The following PHEX variants were observed in gnomAD, a reference collection of about 807,000 sequenced individuals.
The protein encoded by PHEX is phosphate regulating endopeptidase X-linked.
PHEX carries 16 observed loss-of-function variants against 68.0 expected under a neutral mutation model. The ratio of observed to expected loss-of-function variants is 0.24; its 90% confidence interval spans 0.16 to 0.36. PHEX has a LOEUF of 0.36. PHEX is among the 10% of genes least tolerant of loss of function. The pLI is 1.00. For synonymous variants in PHEX, 208 were observed against 205.1 expected (o/e 1.01, Z -0.12); for missense variants, 480 against 575.5 (o/e 0.83, Z 1.70).
At chrX:22,206,450 C>T (rs1469717526) in intron 15 of PHEX, among the ~76,000 whole-genome samples, 2 of 111,601 alleles carry the variant, frequency 1.8e-5, no homozygotes, top group Non-Finnish European at 3.8e-5. Context: ...AAATAAAAAT[C>T]CCTTTTGTCA....
Position 22,076,404 on chromosome X carries a change from A to G in PHEX, c.366A>G (p.Ser122=), listed in dbSNP as rs1313536110. The G allele has an allele frequency of 7.5e-6, 9 of 1,206,688 alleles. No individual in the cohort carries two copies. Among genetic ancestry groups the G allele is most frequent in the Non-Finnish European group, 1.0e-5 (9 of 891,868 alleles). Residue 122 remains serine, a synonymous_variant, in exon 4 of 22, where the codon TCA becomes TCG. Transcript: ENST00000379374. The part of the protein sequence containing the change: ...DLKLKELLEK[S]ISRRRDTEAI... ...CCTTCCCAGAACTTTTGGAGAAATC[A>G]ATCAGTAGAAGGCGGGACACCGAAG...
intron 10 of PHEX, among the ~76,000 whole-genome samples, chrX:22,113,211 T>A (rs1315789085): frequency 8.9e-6 from 1 of 112,006 alleles, no homozygotes; most frequent in Non-Finnish European, 1.9e-5. Context: ...GTGCTAAATA[T>A]AATATTGAAT....
chrX:22,160,769 A>G (rs757856969), intron 12 of PHEX, among the ~76,000 whole-genome samples: 1 of 111,001 alleles, frequency 9.0e-6, no homozygotes, highest in Non-Finnish European at 1.9e-5. Context: ...GCCAAAACAT[A>G]TCAGTAAGTA....
intron 12 of PHEX, among the ~76,000 whole-genome samples, chrX:22,165,507 C>CGGAGGT (rs1229229106): frequency 3.6e-5 from 4 of 111,021 alleles, no homozygotes; most frequent in African/African-American, 1.3e-4. Flanking sequence ...GAGGCGGAGG[C>CGGAGGT]GGAGGTGCAG....
At chrX:22,121,613 T>C (rs1299530790) in intron 11 of PHEX, among the ~76,000 whole-genome samples, 1 of 112,312 alleles carries the variant, frequency 8.9e-6, no homozygotes, top group Non-Finnish European at 1.9e-5. Flanking sequence ...TAAAACATTC[T>C]ATATGCAGAA....
At chrX:22,035,426 A>G (rs1227976527) in intron 1 of PHEX, among the ~76,000 whole-genome samples, 1 of 112,661 alleles carries the variant, frequency 8.9e-6, no homozygotes, top group Non-Finnish European at 1.9e-5. Flanking sequence ...CAACTACTCA[A>G]TTCTGCTGTT....
intron 3 of PHEX, among the ~76,000 whole-genome samples, chrX:22,066,094 G>A (rs187447022): frequency 1.4e-4 from 16 of 112,215 alleles, no homozygotes; most frequent in African/African-American, 4.2e-4. Context: ...AAAGGCGGGG[G>A]CCAGAGCATA....
chrX:22,132,975 C>T (rs1932078918), intron 11 of PHEX, among the ~76,000 whole-genome samples: 1 of 110,819 alleles, frequency 9.0e-6, no homozygotes, highest in African/African-American at 3.3e-5. Context: ...CAACCTCCAC[C>T]TCTTGGGCTC....
At chrX:22,047,950 G>C (rs1344950536) in intron 3 of PHEX, among the ~76,000 whole-genome samples, 5 of 101,803 alleles carry the variant, frequency 4.9e-5, no homozygotes, top group Admixed American at 1.1e-4. Flanking sequence ...GGCAAAAATA[G>C]TATGGTTTTT....
rs769414355 is a variant in PHEX at position 22,226,438 on chromosome X, G to GTT, written c.1900-4_1900-3dup. ...TTTTTTTTTTTCCTTTTTTCTTTCT[G>GTT]TTAGGTCAAGGGGAAGAGGACCCTG... is the stretch of plus-strand genomic sequence containing the variant. On this transcript the variant is annotated splice_region_variant and splice_polypyrimidine_tract_variant and intron_variant, in intron 18 of 21. Coordinates refer to ENST00000379374, the MANE Select transcript of PHEX (RefSeq NM_000444.6). The GTT allele has an allele frequency of 2.5e-6, 3 of 1,177,802 alleles. No individual in the cohort carries two copies. Among genetic ancestry groups the GTT allele is most frequent in the Non-Finnish European group, 3.4e-6 (3 of 873,269 alleles).
At chrX:22,121,460 T>G (rs929475597) in intron 11 of PHEX, among the ~76,000 whole-genome samples, 2 of 111,159 alleles carry the variant, frequency 1.8e-5, no homozygotes, top group Non-Finnish European at 3.8e-5. Flanking sequence ...GAGGACAGGA[T>G]GGGGGTGGGA....
intron 4 of PHEX, among the ~76,000 whole-genome samples, chrX:22,077,042 T>C (rs1929181832): frequency 8.9e-6 from 1 of 111,942 alleles, no homozygotes; most frequent in South Asian, 3.7e-4. Flanking sequence ...GGATTTGGGG[T>C]ATCATGTGGT....
chrX:22,055,503 C>T (rs73201124), intron 3 of PHEX, among the ~76,000 whole-genome samples: 1,567 of 110,955 alleles, frequency 0.014, 14 homozygotes, highest in Non-Finnish European at 0.023. Flanking sequence ...AAGAGGCCAT[C>T]AGAGTGACTA....
chrX:22,190,497 A>G lies in PHEX; in HGVS notation c.1640A>G (p.Gln547Arg). ...GCCTTCTACAGTGCATCCACCAACC[A>G]GATCCGTGAGTACGGGTTCCTTGTC... ...VNAFYSASTN[Q>R]IRFPAGELQK... Residue 547 changes from glutamine (Q) to arginine (R), a missense_variant, in exon 15 of 22, where the codon CAG becomes CGG. Physicochemically the swap from Gln to Arg is conservative, Grantham distance 43 (BLOSUM62 1). Transcript: ENST00000379374. The G allele has an allele frequency of 8.5e-7, 1 of 1,174,072 alleles. No homozygotes were observed. The highest frequency in any genetic ancestry group is 1.2e-6 in the Non-Finnish European group (1 of 860,904).
chrX:22,090,512 T>C lies in PHEX; in HGVS notation c.732+15T>C. 8.9e-7 allele frequency: 1 copy of C among 1,127,791 alleles called. No homozygotes were observed. Among genetic ancestry groups the C allele is most frequent in the South Asian group, 1.8e-5 (1 of 55,106 alleles). The allele number at this position is 1,127,791 out of a possible 1,213,427, so 92.9% of individuals were successfully genotyped here. A position where few individuals can be genotyped will look rare whatever the true frequency, so the allele number is the denominator to read the frequency against. On this transcript the variant is annotated intron_variant, in intron 6 of 21. Transcript: ENST00000379374. ...AAGCCAAGTCTGTAAGTTTTACTCA[T>C]ATTCAACTATGTGCCTTACCAGGCT...
intron 16 of PHEX, among the ~76,000 whole-genome samples, chrX:22,217,433 TC>T (rs1216728957): frequency 8.9e-6 from 1 of 112,113 alleles, no homozygotes; most frequent in Non-Finnish European, 1.9e-5. Flanking sequence ...TTACACCACT[TC>T]CTTGGGTGTA....
rs1299778027 is a variant in PHEX, at chrX:22,251,221, G to A, written c.*3268G>A. 8.9e-6 allele frequency: 1 copy of A among 112,521 alleles called. No individual in the cohort carries two copies. The highest frequency in any genetic ancestry group is 3.2e-5 in the African/African-American group (1 of 30,997). The allele number at this position is 112,521 out of a possible 1,213,427, so 9.3% of individuals were successfully genotyped here. A position where few individuals can be genotyped will look rare whatever the true frequency, so the allele number is the denominator to read the frequency against. ...GGATTATGTGTTTTATATCTAAATG[G>A]TTATTCTGAGACTGGTTGTATTTTC... On this transcript the variant is annotated 3_prime_UTR_variant, in exon 22 of 22. Transcript: ENST00000379374.
intron 20 of PHEX, among the ~76,000 whole-genome samples, chrX:22,232,370 G>A (rs1030029458): frequency 5.5e-5 from 6 of 109,754 alleles, no homozygotes; most frequent in South Asian, 3.9e-4. Context: ...ACAGTGGGGC[G>A]TAAAGTCTCC....
chrX:22,222,051 C>A (rs768141263), intron 18 of PHEX, among the ~76,000 whole-genome samples: 3 of 111,708 alleles, frequency 2.7e-5, no homozygotes, highest in Non-Finnish European at 5.6e-5. Flanking sequence ...AATCCATGTG[C>A]TTCTTTTAAA....
Sources: allele counts gnomAD v4.1 joint callset (sites outside exome capture counted in the v4.1 genomes callset), GRCh38; gene constraint gnomAD v4.1.1; transcripts MANE v1.5; gene names NCBI Gene and HGNC (gene_info 2026-07-23, HGNC 2026-07-21).